Variants in FLYWCH1 observed in about 807,000 individuals in gnomAD.
FLYWCH1 encodes the protein FLYWCH-type zinc finger 1.
A neutral mutation model predicts 66.4 loss-of-function variants in FLYWCH1; 75 were observed. That is an observed-to-expected ratio of 1.13 (90% CI 0.94 to 1.37). FLYWCH1 has a LOEUF of 1.37. Ranked by LOEUF, FLYWCH1 falls within the 40% of genes most tolerant of loss-of-function variation. The pLI, the probability that FLYWCH1 is intolerant of heterozygous loss-of-function variation, is 0.00. For synonymous variants in FLYWCH1, 595 were observed against 429.9 expected (o/e 1.38, Z -4.75); for missense variants, 1,334 against 1,001.8 (o/e 1.33, Z -4.48).
At position 2,937,444 on chromosome 16, in the gene FLYWCH1, G is replaced by T. The variant is rs1028411657; in HGVS notation, c.1777+60G>T. On this transcript the variant is annotated intron_variant, in intron 7 of 9. Transcript: ENST00000253928. Reference sequence around the variant, plus strand: ...GTCTCCCAGGACCTGTGCCCCACACGCTGGCTGGAGGCTGCCCGTGGGGTG... The same window carrying T: ...GTCTCCCAGGACCTGTGCCCCACACTCTGGCTGGAGGCTGCCCGTGGGGTG... 2.2e-5 allele frequency: 33 copies of T among 1,468,224 alleles called. No homozygotes were observed. The South Asian group carries it at 4.4e-4, about 20-fold the overall frequency. The allele number at this position is 1,468,224 out of a possible 1,614,324, so 90.9% of individuals were successfully genotyped here.
Position 2,950,831 on chromosome 16 carries a change from G to C in FLYWCH1, c.*2104G>C, listed in dbSNP as rs1035895825. 3.3e-5 allele frequency: 5 copies of C among 152,308 alleles called. No individual in the cohort carries two copies. Among genetic ancestry groups the C allele is most frequent in the African/African-American group, 1.2e-4 (5 of 41,470 alleles). 9.4% of individuals were successfully genotyped at this position (152,308 alleles called of 1,614,324 possible). ...AGATTCTCCAATGGACGTGAATTTA[G>C]ATGATGCTGTTGCCTTGGGTGGCTT... On this transcript the variant is annotated 3_prime_UTR_variant, in exon 10 of 10. Transcript: ENST00000253928.
chr16:2,938,746 G>A (rs376900376), intron 8 of FLYWCH1, among the ~76,000 whole-genome samples: 1 of 148,236 alleles, frequency 6.7e-6, no homozygotes, highest in East Asian at 2.0e-4. Context: ...CCGAGTAGCT[G>A]GGACTACAGG....
chr16:2,933,623 C>G, intron 5 of FLYWCH1, 41 bp downstream of exon 5: 4 of 1,563,698 alleles, frequency 2.6e-6, no homozygotes, highest in Non-Finnish European at 3.5e-6. Flanking sequence ...CCTGCCTTGA[C>G]TCTTGCCTCC....
Position 2,933,137 on chromosome 16 carries a change from C to T in FLYWCH1, c.804C>T (p.Ala268=), listed in dbSNP as rs2074363. 0.11 allele frequency: 173,045 copies of T among 1,612,224 alleles called. 9,861 individuals are homozygous for T. Among genetic ancestry groups the T allele is most frequent in the African/African-American group, 0.17 (12,396 of 74,864 alleles). ...CTTGGGTCTCTCCTCTAGGACAGGC[C>T]CGGCCCCTCGAGTTCCTGAGGACGT... ...KKRSILGLGQ[A]RPLEFLRTCY... is the part of the protein sequence containing the mutation. The change falls in exon 5 of 10, where the codon GCC becomes GCT. Residue 268 remains alanine (A), a synonymous_variant. Coordinates refer to ENST00000253928, the MANE Select transcript of FLYWCH1 (RefSeq NM_001308068.2).
intron 2 of FLYWCH1, among the ~76,000 whole-genome samples, chr16:2,925,733 G>C (rs988405650): frequency 9.9e-5 from 15 of 152,266 alleles, no homozygotes; most frequent in African/African-American, 3.6e-4. Flanking sequence ...GGAGGAACAG[G>C]CTGGGCCGGG....
chr16:2,930,289 T>C, intron 3 of FLYWCH1, 121 bp from the exon 4 acceptor site: 1 of 671,232 alleles, frequency 1.5e-6, no homozygotes, highest in Non-Finnish European at 2.5e-6. Context: ...GGCTTCTTGC[T>C]TGGGAGCAGG....
At chr16:2,947,863 A>G in intron 9 of FLYWCH1, among the ~76,000 whole-genome samples, 1 of 151,604 alleles carries the variant, frequency 6.6e-6, no homozygotes, top group East Asian at 1.9e-4. Flanking sequence ...GGAGAACCCC[A>G]TCTCTACAAA....
At chr16:2,921,726 G>C (rs2150909583) in intron 2 of FLYWCH1, among the ~76,000 whole-genome samples, 1 of 150,568 alleles carries the variant, frequency 6.6e-6, no homozygotes, top group East Asian at 2.0e-4. Flanking sequence ...CCACACTCCG[G>C]TTTAGGCTGT....
chr16:2,918,372 C>A (rs545039572), intron 2 of FLYWCH1, among the ~76,000 whole-genome samples: 1 of 152,146 alleles, frequency 6.6e-6, no homozygotes, highest in South Asian at 2.1e-4. Context: ...TGGTCTCGAT[C>A]TCCTGACCTC....
At chr16:2,926,334 G>A (rs917259494) in intron 2 of FLYWCH1, among the ~76,000 whole-genome samples, 1 of 152,196 alleles carries the variant, frequency 6.6e-6, no homozygotes, top group Non-Finnish European at 1.5e-5. Context: ...GAATGATTGG[G>A]CCATTATTAA....
At position 2,938,437 on chromosome 16, in the gene FLYWCH1, G is replaced by A. The variant is rs753440485; in HGVS notation, c.2031G>A (p.Thr677=). Reference sequence around the variant, plus strand: ...GGCAACGGGAGCGGCTCCCCACCACGGCCCAGCAGGAGGACCCAGGTACAG... The same window carrying A: ...GGCAACGGGAGCGGCTCCCCACCACAGCCCAGCAGGAGGACCCAGGTACAG... ...ALRQRERLPT[T]AQQEDPEKIQ... is the part of the protein sequence containing the mutation. The change falls in exon 8 of 10, where the codon ACG becomes ACA. Residue 677 remains threonine (T), a synonymous_variant. Transcript: ENST00000253928. 1.1e-5 allele frequency: 17 copies of A among 1,525,948 alleles called. No individual in the cohort carries two copies. The highest frequency in any genetic ancestry group is 1.2e-5 in the Non-Finnish European group (14 of 1,137,944). 94.5% of individuals were successfully genotyped at this position (1,525,948 alleles called of 1,614,324 possible).
At position 2,950,734 on chromosome 16, in the gene FLYWCH1, T is replaced by C. The variant is rs2071643706; in HGVS notation, c.*2007T>C. ...GGATATTTGCGTCATTGACCGGGACTGGCCCACTCTTCCTCTGCCTCACGC... is the reference window on the plus strand; with the variant it reads ...GGATATTTGCGTCATTGACCGGGACCGGCCCACTCTTCCTCTGCCTCACGC... On this transcript the variant is annotated 3_prime_UTR_variant, in exon 10 of 10. Coordinates refer to ENST00000253928, the MANE Select transcript of FLYWCH1 (RefSeq NM_001308068.2). 1 of 152,302 alleles carries C rather than the reference T, an allele frequency of 6.6e-6. No homozygotes were observed. The highest frequency in any genetic ancestry group is 1.5e-5 in the Non-Finnish European group (1 of 68,080). 9.4% of individuals were successfully genotyped at this position (152,302 alleles called of 1,614,324 possible). A position where few individuals can be genotyped will look rare whatever the true frequency, so the allele number is the denominator to read the frequency against.
chr16:2,924,659 G>A (rs372975935), intron 2 of FLYWCH1, among the ~76,000 whole-genome samples: 1 of 152,120 alleles, frequency 6.6e-6, no homozygotes. Context: ...TGTGGGTCAC[G>A]CAACCCCCCC....
intron 9 of FLYWCH1, among the ~76,000 whole-genome samples, chr16:2,945,382 A>T (rs960080177): frequency 6.6e-6 from 1 of 150,716 alleles, no homozygotes; most frequent in Non-Finnish European, 1.5e-5. Flanking sequence ...GCTACTCGGG[A>T]GGCTGGGGTA....
At position 2,933,389 on chromosome 16, in the gene FLYWCH1, G is replaced by A; in HGVS notation, c.1056G>A (p.Gln352=). Residue 352 remains glutamine (Q), a synonymous_variant, in exon 5 of 10, where the codon CAG becomes CAA. Coordinates refer to ENST00000253928, the MANE Select transcript of FLYWCH1 (RefSeq NM_001308068.2). The stretch of plus-strand genomic sequence containing the variant: ...AGGAGAAGGCCGTGGAGACGCTGCA[G>A]GCTGGGCAGGACGGCCCTGGGAGCC... The part of the protein sequence containing the change: ...RQQEKAVETL[Q]AGQDGPGSQV... The A allele has an allele frequency of 1.2e-6, 2 of 1,602,402 alleles. No homozygotes were observed. Among genetic ancestry groups the A allele is most frequent in the South Asian group, 1.1e-5 (1 of 89,396 alleles).
intron 4 of FLYWCH1, among the ~76,000 whole-genome samples, chr16:2,932,703 A>AT (rs1410828677): frequency 1.3e-5 from 2 of 152,142 alleles, no homozygotes; most frequent in African/African-American, 4.8e-5. Context: ...AAATGGGTAG[A>AT]TTTGTTAAAC....
At chr16:2,932,864 C>G (rs1188613825) in intron 4 of FLYWCH1, among the ~76,000 whole-genome samples, 1 of 151,570 alleles carries the variant, frequency 6.6e-6, no homozygotes, top group African/African-American at 2.4e-5. Context: ...GAATGAGACT[C>G]TCCTCTGGGT....
At chr16:2,914,488 C>G (rs1030891025) in intron 2 of FLYWCH1, among the ~76,000 whole-genome samples, 199 bp downstream of exon 2, 1 of 152,176 alleles carries the variant, frequency 6.6e-6, no homozygotes. Context: ...CAAATTGCTC[C>G]GCACCCTCAA....
intron 8 of FLYWCH1, among the ~76,000 whole-genome samples, chr16:2,939,055 G>A (rs1392315646): frequency 6.6e-6 from 1 of 152,062 alleles, no homozygotes; most frequent in Non-Finnish European, 1.5e-5. Flanking sequence ...TTACAGGTGT[G>A]CACCACCACA....
Sources: allele counts gnomAD v4.1 joint callset (sites outside exome capture counted in the v4.1 genomes callset), GRCh38; gene constraint gnomAD v4.1.1; transcripts MANE v1.5; gene names NCBI Gene and HGNC (gene_info 2026-07-23, HGNC 2026-07-21).